SUMO3: variants seen among roughly 807,000 people sequenced by gnomAD.
The protein encoded by SUMO3 is small ubiquitin like modifier 3, also known as small ubiquitin-related modifier 3.
A neutral mutation model predicts 11.1 loss-of-function variants in SUMO3; 2 were observed. The ratio of observed to expected loss-of-function variants is 0.18; its 90% CI spans 0.07 to 0.57. The LOEUF is 0.57. Ranked by LOEUF, SUMO3 falls within the 20% of genes least tolerant of loss-of-function variation. The probability of loss-of-function intolerance (pLI) is 0.92; values close to 1 mark genes in which losing one functional copy is unlikely to be tolerated. For synonymous variants in SUMO3, 56 were observed against 53.5 expected (o/e 1.05, Z -0.20); for missense variants, 70 against 132.8 (o/e 0.53, Z 2.32).
In SUMO3 at chr21:44,814,116, A is replaced by G. The variant is rs2083229830; in HGVS notation, c.22-12T>C. The G allele has an allele frequency of 4.4e-6, 7 of 1,606,510 alleles. No individual in the cohort carries two copies. Among genetic ancestry groups the G allele is most frequent in the Non-Finnish European group, 6.0e-6 (7 of 1,173,832 alleles). ...GTCTTCACACCCTCCTGCAGAAGAC[A>G]CCAGAGACTGGCCTCAAAACTGTGT... On this transcript the variant is annotated splice_polypyrimidine_tract_variant and intron_variant, in intron 1 of 3. Coordinates refer to ENST00000332859, the MANE Select transcript of SUMO3 (RefSeq NM_006936.3).
chr21:44,817,658 G>C (rs998293886), intron 1 of SUMO3, among the ~76,000 whole-genome samples: 16 of 150,962 alleles, frequency 1.1e-4, no homozygotes, highest in Non-Finnish European at 1.9e-4. Flanking sequence ...GCCCGACACC[G>C]GGCGCTCAAG....
chr21:44,809,243 C>T (rs548524970), intron 2 of SUMO3, 125 bp from the exon 3 acceptor site: 16 of 884,446 alleles, frequency 1.8e-5, no homozygotes, highest in Admixed American at 4.8e-5. Flanking sequence ...TTTCCAGATA[C>T]GGCTTAATTC....
At position 44,816,127 on chromosome 21, in the gene SUMO3, G is replaced by A. The variant is rs959965202; in HGVS notation, c.21+1821C>T. Among the ~76,000 whole-genome samples, 6 of 152,164 alleles carry A rather than the reference G, an allele frequency of 3.9e-5. No individual in the cohort carries two copies. The South Asian group carries it at 1.2e-3, about 32-fold the overall frequency. Reference sequence around the variant, plus strand: ...CTGGAATTAAACAAGTGTTTTCAACGGAACTGGAGCCTGAGATTGACCACA... The same window carrying A: ...CTGGAATTAAACAAGTGTTTTCAACAGAACTGGAGCCTGAGATTGACCACA... On this transcript the variant is annotated intron_variant, in intron 1 of 3. Transcript: ENST00000332859.
Position 44,806,700 on chromosome 21 carries a change from C to T in SUMO3, c.*251G>A, listed in dbSNP as rs970152990. 2.1e-5 allele frequency: 20 copies of T among 964,884 alleles called. No homozygotes were observed. Among genetic ancestry groups the T allele is most frequent in the Non-Finnish European group, 2.7e-5 (19 of 701,164 alleles). The allele number at this position is 964,884 out of a possible 1,614,324, so 59.8% of individuals were successfully genotyped here. A position where few individuals can be genotyped will look rare whatever the true frequency, so the allele number is the denominator to read the frequency against. On this transcript the variant is annotated 3_prime_UTR_variant, in exon 4 of 4. Transcript: ENST00000332859. ...GGGGGGGAAAACACAAATGAGCACA[C>T]AAAAGTACCCACAATATCTTGCAAC...
At chr21:44,812,053 C>CTTTTTTTTTT (rs386394862) in intron 2 of SUMO3, among the ~76,000 whole-genome samples, 7 of 80,990 alleles carry the variant, frequency 8.6e-5, no homozygotes, top group Non-Finnish European at 1.3e-4. Context: ...AACTTCTCAC[C>CTTTTTTTTTT]TTTTTTTTTT....
chr21:44,814,153 C>A (rs1435668296), intron 1 of SUMO3, 49 bp from the exon 2 acceptor site: 1 of 1,591,578 alleles, frequency 6.3e-7, no homozygotes, highest in Non-Finnish European at 8.6e-7. Context: ...TCAAAATAAC[C>A]GCGACTTGAA....
At chr21:44,813,678 C>A in intron 2 of SUMO3, 2 of 809,072 alleles carry the variant, frequency 2.5e-6, no homozygotes, top group Non-Finnish European at 3.8e-6. Context: ...TCACAGACTT[C>A]ACAGATGTTA....
chr21:44,809,116 G>C lies in SUMO3; in HGVS notation c.153C>G (p.Gly51=). Residue 51 remains glycine, a splice_region_variant and synonymous_variant, in exon 3 of 4, where the codon GGC becomes GGG. Coordinates refer to ENST00000332859, the MANE Select transcript of SUMO3 (RefSeq NM_006936.3). ...KLMKAYCERQ[G]LSMRQIRFRF... The stretch of plus-strand genomic sequence containing the variant: ...TGAATCTGATCTGCCTCATTGACAA[G>C]CCCTGGAAAGGAAAAGCAGTGGCCA... 6.2e-7 allele frequency: 1 copy of C among 1,613,856 alleles called. No individual in the cohort carries two copies. The highest frequency in any genetic ancestry group is 8.5e-7 in the Non-Finnish European group (1 of 1,179,878).
At chr21:44,817,909 C>G (rs931460014) in intron 1 of SUMO3, 39 bp downstream of exon 1, 10 of 1,146,960 alleles carry the variant, frequency 8.7e-6, no homozygotes, top group Middle Eastern at 7.1e-4. Flanking sequence ...GCGGGACGCC[C>G]GCGATAGACG....
At chr21:44,809,180 G>C in intron 2 of SUMO3, 62 bp from the exon 3 acceptor site, 1 of 1,512,626 alleles carries the variant, frequency 6.6e-7, no homozygotes, top group Non-Finnish European at 9.2e-7. Flanking sequence ...AAAAGCAGTG[G>C]CCATTAGTCT....
intron 3 of SUMO3, chr21:44,808,703 G>T: frequency 7.7e-7 from 1 of 1,303,758 alleles, no homozygotes; most frequent in Non-Finnish European, 1.0e-6. Context: ...AAGGGCACAA[G>T]AATCCAGCTG....
chr21:44,808,299 T>G lies in SUMO3; in HGVS notation c.222+748A>C, dbSNP rs1214446560. ...GGGCTGAGGTGGGCAGATCACAAGG[T>G]CAGGAGATCGAGACCATCCTGGCTA... On this transcript the variant is annotated intron_variant, in intron 3 of 3. Transcript: ENST00000332859. 8 of 323,182 alleles carry G rather than the reference T, an allele frequency of 2.5e-5. No individual in the cohort carries two copies. The East Asian group carries it at 4.0e-4, about 16-fold the overall frequency. The allele number at this position is 323,182 out of a possible 1,614,324, so 20.0% of individuals were successfully genotyped here. A position where few individuals can be genotyped will look rare whatever the true frequency, so the allele number is the denominator to read the frequency against.
rs1196313014 is a variant in SUMO3, at chr21:44,818,013, G to A, written c.-45C>T. On this transcript the variant is annotated 5_prime_UTR_variant, in exon 1 of 4. Coordinates refer to ENST00000332859, the MANE Select transcript of SUMO3 (RefSeq NM_006936.3). The stretch of plus-strand genomic sequence containing the variant: ...GGAGGCGGCGCGGGGGAAGCAGCGC[G>A]GAGCGGGCGAGTCACGCTCTCGGCC... 9 of 1,175,022 alleles carry A rather than the reference G, an allele frequency of 7.7e-6. No homozygotes were observed. The highest frequency in any genetic ancestry group is 3.7e-5 in the East Asian group (1 of 27,338). The allele number at this position is 1,175,022 out of a possible 1,614,324, so 72.8% of individuals were successfully genotyped here.
In SUMO3 at chr21:44,807,069, G is replaced by A. The variant is rs369832102; in HGVS notation, c.223-29C>T. 6 of 1,609,862 alleles carry A rather than the reference G, an allele frequency of 3.7e-6. No individual in the cohort carries two copies. The highest frequency in any genetic ancestry group is 2.7e-5 in the African/African-American group (2 of 74,816). On this transcript the variant is annotated intron_variant, in intron 3 of 3. Transcript: ENST00000332859. This position sits in a 1 kb window ranked among gnomAD's most constrained non-coding sequence, Gnocchi z 4.3. ...TCATGGTTGTCACAACAGGCACAGCGAGAGAGAGGGGAGCCTGTTAGTTTT... is the reference window on the plus strand; with the variant it reads ...TCATGGTTGTCACAACAGGCACAGCAAGAGAGAGGGGAGCCTGTTAGTTTT...
rs1569308288 is a variant in SUMO3, at chr21:44,811,048, GCA to G, written c.151-1932_151-1931del. 1.2e-5 allele frequency among the ~76,000 whole-genome samples: 1 copy of G among 80,916 alleles called. No homozygotes were observed. The highest frequency in any genetic ancestry group is 3.0e-4 in the East Asian group (1 of 3,378). The allele number at this position is 80,916 out of a possible 152,430, so 53.1% of individuals were successfully genotyped here. On this transcript the variant is annotated intron_variant, in intron 2 of 3. Transcript: ENST00000332859. The surrounding 1 kb of genome is among the most constrained non-coding windows in gnomAD (Gnocchi z 5.0). The stretch of plus-strand genomic sequence containing the variant: ...CACGCACACACCCACATACACACAC[GCA>G]CACACCCACACATACACACACACGA...
intron 1 of SUMO3, among the ~76,000 whole-genome samples, chr21:44,815,659 G>A (rs73372522): frequency 6.6e-6 from 1 of 152,192 alleles, no homozygotes; most frequent in Admixed American, 6.5e-5. Flanking sequence ...AGGGAAGGAA[G>A]GTATGAGTGT....
At chr21:44,809,670 G>A (rs909436947) in intron 2 of SUMO3, among the ~76,000 whole-genome samples, 1 of 152,208 alleles carries the variant, frequency 6.6e-6, no homozygotes, top group Non-Finnish European at 1.5e-5. Flanking sequence ...AGTGACGCTA[G>A]CTCAGACAGC....
Position 44,807,317 on chromosome 21 carries a change from G to T in SUMO3, c.223-277C>A, listed in dbSNP as rs1200210029. Reference sequence around the variant, plus strand: ...AAATGTTAACTGAGAGAAAAACTGAGTCTAGAAGATAAACTGAAATGTCTA... The same window carrying T: ...AAATGTTAACTGAGAGAAAAACTGATTCTAGAAGATAAACTGAAATGTCTA... On this transcript the variant is annotated intron_variant, in intron 3 of 3. Transcript: ENST00000332859. This position sits in a 1 kb window ranked among gnomAD's most constrained non-coding sequence, Gnocchi z 4.3. Among the ~76,000 whole-genome samples, 1 of 152,162 alleles carries T rather than the reference G, an allele frequency of 6.6e-6. No homozygotes were observed. The highest frequency in any genetic ancestry group is 1.9e-4 in the East Asian group (1 of 5,202).
At position 44,809,137 on chromosome 21, in the gene SUMO3, G is replaced by A; in HGVS notation, c.151-19C>T. ...ACAAGCCCTGGAAAGGAAAAGCAGT[G>A]GCCATTAGTCTCACTGGCAAGCCCT... On this transcript the variant is annotated intron_variant, in intron 2 of 3. Transcript: ENST00000332859. The A allele has an allele frequency of 2.5e-6, 4 of 1,612,490 alleles. No homozygotes were observed. The highest frequency in any genetic ancestry group is 3.4e-6 in the Non-Finnish European group (4 of 1,178,760).
Sources: allele counts gnomAD v4.1 joint callset (sites outside exome capture counted in the v4.1 genomes callset), GRCh38; gene constraint gnomAD v4.1.1; non-coding constraint Gnocchi (gnomAD v3.1); transcripts MANE v1.5; gene names NCBI Gene and HGNC (gene_info 2026-07-23, HGNC 2026-07-21).